SCFD1: variants seen among roughly 807,000 people sequenced by gnomAD.
SCFD1 encodes sec1 family domain containing 1.
SCFD1 carries 37 observed loss-of-function variants against 103.2 expected under a neutral mutation model. The observed-to-expected ratio is 0.36, with a 90% CI of 0.28 to 0.47. The LOEUF (loss-of-function observed/expected upper bound fraction) is 0.47, where lower values mean the gene tolerates loss of function less well. Ranked by LOEUF, SCFD1 falls within the 20% of genes least tolerant of loss-of-function variation. SCFD1 has a pLI of 1.00. For missense variants in SCFD1, 639 were observed against 761.2 expected, an observed-to-expected ratio of 0.84 and a Z score of 1.89; for synonymous variants, 264 against 245.0, an observed-to-expected ratio of 1.08 and a Z score of -0.73.
chr14:30,710,332 T>TAA (rs397853428), intron 19 of SCFD1, among the ~76,000 whole-genome samples: 4,957 of 81,870 alleles, frequency 0.061, 415 homozygotes, highest in African/African-American at 0.16. Context: ...GCCATGTCAT[T>TAA]AAAAAAAAAA....
intron 9 of SCFD1, among the ~76,000 whole-genome samples, chr14:30,652,900 T>C (rs183771215): frequency 1.6e-4 from 25 of 152,150 alleles, no homozygotes; most frequent in African/African-American, 6.0e-4. Flanking sequence ...TCTCAGCTAA[T>C]TGGGAGACTG....
chr14:30,627,433 T>C (rs915703017), intron 1 of SCFD1, among the ~76,000 whole-genome samples: 6 of 152,164 alleles, frequency 3.9e-5, no homozygotes, highest in Non-Finnish European at 8.8e-5. Context: ...GAATATGCCA[T>C]GGATAATTTT....
chr14:30,707,681 G>T (rs1398214838), intron 18 of SCFD1: 3 of 337,018 alleles, frequency 8.9e-6, no homozygotes, highest in South Asian at 2.6e-5. Flanking sequence ...ATTATAACTC[G>T]CAAAAAAAAA....
At chr14:30,681,159 T>C (rs1889439011) in intron 14 of SCFD1, among the ~76,000 whole-genome samples, 1 of 150,424 alleles carries the variant, frequency 6.6e-6, no homozygotes, top group Non-Finnish European at 1.5e-5. Context: ...AGGCAAAGGT[T>C]GCAGTGAGCC....
intron 14 of SCFD1, among the ~76,000 whole-genome samples, chr14:30,682,209 GA>G (rs1889541515): frequency 1.3e-5 from 2 of 152,184 alleles, no homozygotes; most frequent in African/African-American, 4.8e-5. Flanking sequence ...ATCTGTTGTA[GA>G]AATTGAAGAA....
intron 5 of SCFD1, among the ~76,000 whole-genome samples, chr14:30,638,871 A>G (rs1405813132): frequency 6.6e-6 from 1 of 152,210 alleles, no homozygotes; most frequent in African/African-American, 2.4e-5. Context: ...TTAAAGTTCC[A>G]GACAACTATC....
rs781498328 is a variant in SCFD1 at position 30,715,887 on chromosome 14, TTAATATTC to T, written c.1630-29_1630-22del. 3 of 1,220,214 alleles carry T rather than the reference TTAATATTC, an allele frequency of 2.5e-6. No homozygotes were observed. In the African/African-American group the frequency reaches 4.6e-5, roughly 19 times the overall value. The allele number at this position is 1,220,214 out of a possible 1,614,324, so 75.6% of individuals were successfully genotyped here. A position where few individuals can be genotyped will look rare whatever the true frequency, so the allele number is the denominator to read the frequency against. Reference sequence around the variant, plus strand: ...TGTTTTAATAGAGAAGAACTTTGGTTTAATATTCTAATATTTAACAAAATACTTTTCCA... The same window carrying T: ...TGTTTTAATAGAGAAGAACTTTGGTTTAATATTTAACAAAATACTTTTCCA... On this transcript the variant is annotated intron_variant, in intron 19 of 24. Transcript: ENST00000458591.
intron 10 of SCFD1, among the ~76,000 whole-genome samples, chr14:30,657,884 C>T (rs1368255473): frequency 6.6e-6 from 1 of 151,804 alleles, no homozygotes; most frequent in Non-Finnish European, 1.5e-5. Context: ...TTAGAACTTA[C>T]AAACAACTAT....
At chr14:30,669,365 G>C (rs1179720942) in intron 10 of SCFD1, among the ~76,000 whole-genome samples, 1 of 151,996 alleles carries the variant, frequency 6.6e-6, no homozygotes, top group African/African-American at 2.4e-5. Context: ...TTTACTTGTT[G>C]ATAGTCATGT....
chr14:30,653,425 G>T, intron 9 of SCFD1, 64 bp from the exon 10 acceptor site: 1 of 981,364 alleles, frequency 1.0e-6, no homozygotes, highest in South Asian at 1.4e-5. Context: ...GAAAGTAGTA[G>T]AATATTTTAG....
intron 17 of SCFD1, among the ~76,000 whole-genome samples, chr14:30,703,717 T>C (rs887722684): frequency 6.6e-6 from 1 of 150,522 alleles, no homozygotes; most frequent in African/African-American, 2.4e-5. Context: ...ATCTATACTT[T>C]TGACTTTTGA....
chr14:30,691,546 G>C (rs941038861), intron 14 of SCFD1, among the ~76,000 whole-genome samples: 6 of 152,134 alleles, frequency 3.9e-5, no homozygotes, highest in Non-Finnish European at 7.4e-5. Flanking sequence ...TTTCCTCTTG[G>C]ATGGTGCTCC....
chr14:30,730,909 A>T (rs920987289), intron 23 of SCFD1, among the ~76,000 whole-genome samples: 2 of 152,002 alleles, frequency 1.3e-5, no homozygotes, highest in African/African-American at 2.4e-5. Context: ...GGTGTTTTAG[A>T]CATGAAGTCC....
chr14:30,629,471 C>CTA, intron 2 of SCFD1, among the ~76,000 whole-genome samples: 1 of 152,030 alleles, frequency 6.6e-6, no homozygotes, highest in Middle Eastern at 3.4e-3. Context: ...TTAAAAAGCC[C>CTA]ATTTGGAGTT....
chr14:30,659,179 T>TG (rs1257433699), intron 10 of SCFD1, among the ~76,000 whole-genome samples: 1 of 151,530 alleles, frequency 6.6e-6, no homozygotes, highest in Non-Finnish European at 1.5e-5. Flanking sequence ...TATAGTTTTT[T>TG]TTTTTTTTTT....
intron 21 of SCFD1, among the ~76,000 whole-genome samples, chr14:30,720,267 G>A (rs1242740957): frequency 2.0e-5 from 3 of 152,108 alleles, no homozygotes; most frequent in African/African-American, 7.2e-5. Flanking sequence ...GACAAAGAAT[G>A]GATTGTGGAA....
In SCFD1 at chr14:30,675,019, T is replaced by G; in HGVS notation, c.1196T>G (p.Ile399Ser). 1 of 1,591,096 alleles carries G rather than the reference T, an allele frequency of 6.3e-7. No individual in the cohort carries two copies. Among genetic ancestry groups the G allele is most frequent in the South Asian group, 1.2e-5 (1 of 86,022 alleles). The change falls in exon 14 of 25, where the codon ATT (isoleucine) becomes AGT (serine). Residue 399 changes from isoleucine (I) to serine (S), a missense_variant. Physicochemically the swap from Ile to Ser is moderately radical, Grantham distance 142. Transcript: ENST00000458591. ...GAACTCCTTGAGAAAAAAAGACTTA[T>G]TGATCTCCATACAAATGTTGCCACT... Reference protein sequence around the residue: ...LPELLEKKRLIDLHTNVATAV... With the variant: ...LPELLEKKRLSDLHTNVATAV...
In SCFD1 at chr14:30,694,803, G is replaced by A. The variant is rs1312402688; in HGVS notation, c.1273G>A (p.Glu425Lys). ...ARKLDVYFEY[E>K]EKIMSKTTLD... Reference sequence around the variant, plus strand: ...AAAATTGGATGTATATTTTGAATATGAAGAAAAAATAATGAGCAAAACTAC... The same window carrying A: ...AAAATTGGATGTATATTTTGAATATAAAGAAAAAATAATGAGCAAAACTAC... Residue 425 changes from glutamate to lysine, a missense_variant, in exon 15 of 25, where the codon GAA becomes AAA. Coordinates refer to ENST00000458591, the MANE Select transcript of SCFD1 (RefSeq NM_016106.4). The A allele has an allele frequency of 1.9e-6, 3 of 1,583,350 alleles. No homozygotes were observed. The highest frequency in any genetic ancestry group is 1.7e-6 in the Non-Finnish European group (2 of 1,170,648).
chr14:30,710,137 A>G (rs1490639180), intron 19 of SCFD1, among the ~76,000 whole-genome samples: 1 of 152,160 alleles, frequency 6.6e-6, no homozygotes, highest in Non-Finnish European at 1.5e-5. Context: ...TGCTAACACA[A>G]AAGTTTTATT....
Sources: allele counts gnomAD v4.1 joint callset (sites outside exome capture counted in the v4.1 genomes callset), GRCh38; gene constraint gnomAD v4.1.1; transcripts MANE v1.5; gene names NCBI Gene and HGNC (gene_info 2026-07-23, HGNC 2026-07-21).